VCL: variants seen among roughly 807,000 people sequenced by gnomAD.
The protein encoded by VCL is epididymis luminal protein 114.
Under a neutral mutation model 125.7 loss-of-function variants are expected in VCL, and 47 were observed. The ratio of observed to expected loss-of-function variants is 0.37; its 90% CI spans 0.30 to 0.48. VCL has a LOEUF of 0.48. VCL is among the 20% of genes least tolerant of loss of function. VCL has a pLI of 0.99. For missense variants in VCL, 1,069 were observed against 1,455.5 expected, an observed-to-expected ratio of 0.73 and a Z score of 4.32; for synonymous variants, 458 against 514.6, an observed-to-expected ratio of 0.89 and a Z score of 1.49.
intron 1 of VCL, among the ~76,000 whole-genome samples, chr10:74,026,419 T>C (rs1423020547): frequency 6.6e-6 from 1 of 152,218 alleles, no homozygotes; most frequent in Non-Finnish European, 1.5e-5. Context: ...GACAAACTTC[T>C]CTGTGACTCT....
chr10:74,042,333 T>C (rs527910612), intron 1 of VCL, among the ~76,000 whole-genome samples: 2 of 152,362 alleles, frequency 1.3e-5, no homozygotes, highest in African/African-American at 4.8e-5. Flanking sequence ...TGAATACTTT[T>C]GTGAATATTG....
chr10:74,076,971 G>A (rs1057220574), intron 6 of VCL: 1 of 152,582 alleles, frequency 6.6e-6, no homozygotes, highest in Non-Finnish European at 1.5e-5. Context: ...ATCAAGAGCT[G>A]CTTCTCTCAT....
At chr10:74,011,891 G>A (rs1014058842) in intron 1 of VCL, among the ~76,000 whole-genome samples, 1 of 152,180 alleles carries the variant, frequency 6.6e-6, no homozygotes, top group Non-Finnish European at 1.5e-5. Context: ...TTTTACAAAT[G>A]TTGTTAAGCT....
chr10:74,093,672 A>G (rs1176725411), intron 10 of VCL, among the ~76,000 whole-genome samples: 2 of 151,656 alleles, frequency 1.3e-5, no homozygotes, highest in Admixed American at 1.3e-4. Flanking sequence ...GGTGGTGCAT[A>G]CCTATAGTCC....
chr10:74,089,923 G>A (rs956208187), intron 9 of VCL, 100 bp from the exon 10 acceptor site: 1 of 1,259,100 alleles, frequency 7.9e-7, no homozygotes, highest in African/African-American at 1.5e-5. Flanking sequence ...ATGATTACTG[G>A]TATATTACTT....
At position 74,033,982 on chromosome 10, in the gene VCL, A is replaced by G. The variant is rs570552913; in HGVS notation, c.169-9101A>G. 2.6e-5 allele frequency among the ~76,000 whole-genome samples: 4 copies of G among 152,288 alleles called. No homozygotes were observed. In the South Asian group the frequency reaches 8.3e-4, roughly 32 times the overall value. Reference sequence around the variant, plus strand: ...TTCTGCTACAGTTAATCTGTAGTTTATCTTTCACTAAGACTGTAAGCTCCA... The same window carrying G: ...TTCTGCTACAGTTAATCTGTAGTTTGTCTTTCACTAAGACTGTAAGCTCCA... On this transcript the variant is annotated intron_variant, in intron 1 of 21. Coordinates refer to ENST00000211998, the MANE Select transcript of VCL (RefSeq NM_014000.3).
intron 2 of VCL, among the ~76,000 whole-genome samples, chr10:74,051,383 C>T (rs1005243295): frequency 2.6e-5 from 4 of 152,032 alleles, no homozygotes; most frequent in South Asian, 4.2e-4. Context: ...ACTACAGGCA[C>T]GCACCACCAC....
At position 74,114,325 on chromosome 10, in the gene VCL, C is replaced by T. The variant is rs746857871; in HGVS notation, c.3091C>T (p.Arg1031Trp). The T allele has an allele frequency of 4.3e-6, 7 of 1,613,822 alleles. No homozygotes were observed. The highest frequency in any genetic ancestry group is 1.7e-5 in the Admixed American group (1 of 59,990). Residue 1031 changes from arginine to tryptophan, a missense_variant, in exon 20 of 22, where the codon CGG becomes TGG. This residue lies in a region of VCL where 91 missense variants were observed against 203.9 expected (regional missense o/e 0.45). Transcript: ENST00000211998. Reference sequence around the variant, plus strand: ...CGCCAAGGCCTCAGATGAGGTGACTCGGTTGGCCAAGGAGGTTGCCAAGCA... The same window carrying T: ...CGCCAAGGCCTCAGATGAGGTGACTTGGTTGGCCAAGGAGGTTGCCAAGCA... Reference protein sequence around the residue: ...DIAKASDEVTRLAKEVAKQCT... With the variant: ...DIAKASDEVTWLAKEVAKQCT...
intron 1 of VCL, among the ~76,000 whole-genome samples, chr10:74,016,574 G>A (rs1840544518): frequency 6.6e-6 from 1 of 152,216 alleles, no homozygotes. Context: ...GCAACAGAGC[G>A]AGACTCTGTC....
intron 2 of VCL, among the ~76,000 whole-genome samples, chr10:74,044,453 G>A (rs1480611702): frequency 6.6e-6 from 1 of 152,086 alleles, no homozygotes; most frequent in Non-Finnish European, 1.5e-5. Flanking sequence ...AAATTTAAGT[G>A]GCCAATAAAT....
At chr10:74,069,341 A>G (rs1004957954) in intron 2 of VCL, among the ~76,000 whole-genome samples, 3 of 152,204 alleles carry the variant, frequency 2.0e-5, no homozygotes, top group Non-Finnish European at 4.4e-5. Flanking sequence ...GCGCCCGGCC[A>G]TGTATTGGCT....
chr10:74,051,580 C>G (rs539270052), intron 2 of VCL, among the ~76,000 whole-genome samples: 1 of 152,344 alleles, frequency 6.6e-6, no homozygotes, highest in East Asian at 1.9e-4. Flanking sequence ...TCAGTTCATA[C>G]ATGGCAGAGG....
At chr10:74,028,393 CTTTTTTTTTT>C (rs1159824812) in intron 1 of VCL, among the ~76,000 whole-genome samples, 9 of 121,758 alleles carry the variant, frequency 7.4e-5, no homozygotes, top group African/African-American at 1.6e-4. Context: ...CTTAAGTAAT[CTTTTTTTTTT>C]TTTTTTTTTT....
At chr10:74,009,180 G>T in intron 1 of VCL, among the ~76,000 whole-genome samples, 1 of 140,428 alleles carries the variant, frequency 7.1e-6, no homozygotes, top group Non-Finnish European at 1.5e-5. Flanking sequence ...AAGTTCAGGT[G>T]AAATAATTTT....
At chr10:74,016,968 T>G (rs529670401) in intron 1 of VCL, 1 of 152,272 alleles carries the variant, frequency 6.6e-6, no homozygotes, top group Admixed American at 6.5e-5. Context: ...GTATTTGTCC[T>G]TTTGTGATTG....
chr10:74,079,109 C>A (rs550862645), intron 6 of VCL, among the ~76,000 whole-genome samples: 1 of 152,116 alleles, frequency 6.6e-6, no homozygotes, highest in African/African-American at 2.4e-5. Flanking sequence ...TAGGAAAGCA[C>A]GTACAAATGG....
intron 1 of VCL, among the ~76,000 whole-genome samples, chr10:74,006,372 A>G (rs1840324945): frequency 6.6e-6 from 1 of 152,178 alleles, no homozygotes; most frequent in South Asian, 2.1e-4. Flanking sequence ...AGCTGGTATA[A>G]CTCTAAATGG....
At position 74,014,884 on chromosome 10, in the gene VCL, C is replaced by T. The variant is rs923602090; in HGVS notation, c.168+16509C>T. ...TGTATTTTTTGTAGAGATGGGGTTT[C>T]TGCCATGTTGCCCAAGCTGGTCTTG... is the stretch of plus-strand genomic sequence containing the variant. On this transcript the variant is annotated intron_variant, in intron 1 of 21. Transcript: ENST00000211998. Among the ~76,000 whole-genome samples, 4 of 151,488 alleles carry T rather than the reference C, an allele frequency of 2.6e-5. No individual in the cohort carries two copies. The South Asian group carries it at 8.3e-4, about 32-fold the overall frequency.
At chr10:74,013,407 T>TA (rs1221386320) in intron 1 of VCL, among the ~76,000 whole-genome samples, 1 of 152,052 alleles carries the variant, frequency 6.6e-6, no homozygotes, top group African/African-American at 2.4e-5. Context: ...TAAGTGTGAA[T>TA]AAAAAAATAA....
Sources: allele counts gnomAD v4.1 joint callset (sites outside exome capture counted in the v4.1 genomes callset), GRCh38; gene constraint gnomAD v4.1.1; regional missense constraint gnomAD v4.1.1; transcripts MANE v1.5; gene names NCBI Gene and HGNC (gene_info 2026-07-23, HGNC 2026-07-21).